The following VPS13A variants were observed in gnomAD, a reference collection of about 807,000 sequenced individuals.
VPS13A encodes the protein vacuolar protein sorting 13 homolog A.
A neutral mutation model predicts 390.9 loss-of-function variants in VPS13A; 264 were observed. The ratio of observed to expected loss-of-function variants is 0.68; its 90% CI spans 0.61 to 0.75. VPS13A has a LOEUF of 0.75. VPS13A is among the 30% of genes least tolerant of loss of function. The pLI, the probability that VPS13A is intolerant of heterozygous loss-of-function variation, is 0.00. For synonymous variants in VPS13A, 1,231 were observed against 1,227.1 expected (o/e 1.00, Z -0.07); for missense variants, 3,409 against 3,733.9 (o/e 0.91, Z 2.27).
chr9:77,386,835 G>A (rs1352107929), intron 68 of VPS13A, among the ~76,000 whole-genome samples: 1 of 151,692 alleles, frequency 6.6e-6, no homozygotes, highest in African/African-American at 2.4e-5. Flanking sequence ...AGCCTCCTGA[G>A]TAGCTGGGAC....
chr9:77,364,446 A>C (rs186107561), intron 59 of VPS13A, among the ~76,000 whole-genome samples: 153 of 152,140 alleles, frequency 1.0e-3, no homozygotes, highest in African/African-American at 1.8e-3. Context: ...AACAAACAAA[A>C]AAAAACCCAT....
At chr9:77,302,048 C>A (rs1828397117) in intron 33 of VPS13A, among the ~76,000 whole-genome samples, 1 of 151,770 alleles carries the variant, frequency 6.6e-6, no homozygotes, top group African/African-American at 2.4e-5. Flanking sequence ...ACCTCCGCCT[C>A]CTGGGTTCAA....
At chr9:77,210,827 G>C (rs570798043) in intron 7 of VPS13A, 152 bp downstream of exon 7, 1 of 745,886 alleles carries the variant, frequency 1.3e-6, no homozygotes, top group Admixed American at 2.5e-5. Flanking sequence ...AGGGTATGTA[G>C]ATTCACATTT....
At chr9:77,256,791 C>T (rs1004331769) in intron 22 of VPS13A, among the ~76,000 whole-genome samples, 2 of 151,616 alleles carry the variant, frequency 1.3e-5, no homozygotes, top group African/African-American at 4.8e-5. Context: ...TCTATTTTGG[C>T]TGTTTTTGTT....
chr9:77,412,533 G>A (rs975027742), intron 71 of VPS13A, among the ~76,000 whole-genome samples: 3 of 152,130 alleles, frequency 2.0e-5, no homozygotes, highest in Non-Finnish European at 2.9e-5. Flanking sequence ...GGCCTTTGAC[G>A]AAATTCAACA....
intron 52 of VPS13A, among the ~76,000 whole-genome samples, chr9:77,345,978 CAT>C (rs1014100623): frequency 2.6e-5 from 4 of 152,012 alleles, no homozygotes; most frequent in African/African-American, 9.7e-5. Flanking sequence ...TGTTTCTAAA[CAT>C]GTGTGCAAGT....
chr9:77,327,633 A>ATATTATTAT (rs563581300), intron 45 of VPS13A, among the ~76,000 whole-genome samples: 1 of 149,548 alleles, frequency 6.7e-6, no homozygotes, highest in Non-Finnish European at 1.5e-5. Flanking sequence ...AGGTTTTCTG[A>ATATTATTAT]TATTATTATT....
intron 22 of VPS13A, among the ~76,000 whole-genome samples, chr9:77,255,009 T>A (rs1411826408): frequency 6.6e-6 from 1 of 152,168 alleles, no homozygotes; most frequent in Non-Finnish European, 1.5e-5. Flanking sequence ...TTGGTCTGTC[T>A]AGAATTTTTT....
rs940036943 is a variant in VPS13A, at chr9:77,419,033, T to C, written c.*3027T>C. ...CTGTATTAAAAAGATTGGGACAAAATACTTGATTAGTTTGCCTGTAGAAGC... is the reference window on the plus strand; with the variant it reads ...CTGTATTAAAAAGATTGGGACAAAACACTTGATTAGTTTGCCTGTAGAAGC... On this transcript the variant is annotated 3_prime_UTR_variant, in exon 72 of 72. Coordinates refer to ENST00000360280, the MANE Select transcript of VPS13A (RefSeq NM_033305.3). The C allele has an allele frequency of 6.6e-6, 1 of 152,166 alleles. No individual in the cohort carries two copies. The highest frequency in any genetic ancestry group is 1.5e-5 in the Non-Finnish European group (1 of 68,018). The allele number at this position is 152,166 out of a possible 1,614,324, so 9.4% of individuals were successfully genotyped here. A position where few individuals can be genotyped will look rare whatever the true frequency, so the allele number is the denominator to read the frequency against.
intron 59 of VPS13A, among the ~76,000 whole-genome samples, chr9:77,363,207 C>T (rs1832237145): frequency 6.6e-6 from 1 of 151,920 alleles, no homozygotes; most frequent in African/African-American, 2.4e-5. Flanking sequence ...AATTTTCAGT[C>T]TTTGAGTATG....
chr9:77,296,366 C>T (rs1226698149), intron 33 of VPS13A, among the ~76,000 whole-genome samples: 1 of 152,166 alleles, frequency 6.6e-6, no homozygotes, highest in Non-Finnish European at 1.5e-5. Context: ...ACTGTGTCCT[C>T]TGTGTTTCTG....
chr9:77,367,087 G>T (rs1402751346), intron 61 of VPS13A, among the ~76,000 whole-genome samples: 1 of 152,088 alleles, frequency 6.6e-6, no homozygotes, highest in African/African-American at 2.4e-5. Flanking sequence ...ATTTCCTTAA[G>T]AAAAAGAGTC....
At chr9:77,245,533 A>G (rs1034706693) in intron 19 of VPS13A, among the ~76,000 whole-genome samples, 2 of 152,142 alleles carry the variant, frequency 1.3e-5, no homozygotes, top group African/African-American at 2.4e-5. Flanking sequence ...AGAATTTTTG[A>G]TGATCTGTCA....
intron 20 of VPS13A, among the ~76,000 whole-genome samples, chr9:77,248,904 G>T (rs1005535964): frequency 6.6e-6 from 1 of 152,148 alleles, no homozygotes; most frequent in African/African-American, 2.4e-5. Flanking sequence ...GACAGTTTTT[G>T]TATTTTTAGT....
At chr9:77,207,247 A>ATGTG (rs1564630472) in intron 5 of VPS13A, among the ~76,000 whole-genome samples, 1 of 115,792 alleles carries the variant, frequency 8.6e-6, no homozygotes, top group East Asian at 2.3e-4. Context: ...ATATATATAT[A>ATGTG]TATATAAAAC....
At position 77,354,260 on chromosome 9, in the gene VPS13A, G is replaced by A. The variant is rs182085615; in HGVS notation, c.7652+619G>A. ...AATTAAATTCTTGAATATATATAAA[G>A]GTATATGATACAGATGTAAATTTAG... On this transcript the variant is annotated intron_variant, in intron 54 of 71. Coordinates refer to ENST00000360280, the MANE Select transcript of VPS13A (RefSeq NM_033305.3). 4.3e-3 allele frequency among the ~76,000 whole-genome samples: 652 copies of A among 151,818 alleles called. 3 individuals are homozygous for A. Among genetic ancestry groups the A allele is most frequent in the African/African-American group, 0.015 (615 of 41,430 alleles).
At chr9:77,303,533 C>T (rs1419791617) in intron 34 of VPS13A, among the ~76,000 whole-genome samples, 1 of 152,054 alleles carries the variant, frequency 6.6e-6, no homozygotes, top group Non-Finnish European at 1.5e-5. Context: ...CAACAGTGGA[C>T]CCAGGGGACC....
intron 13 of VPS13A, among the ~76,000 whole-genome samples, chr9:77,223,686 T>A (rs1180176502): frequency 6.7e-6 from 1 of 150,220 alleles, no homozygotes; most frequent in Non-Finnish European, 1.5e-5. Flanking sequence ...AGAGATTGGT[T>A]CTTGAAGTTT....
chr9:77,351,199 A>G, intron 52 of VPS13A, 118 bp from the exon 53 acceptor site: 1 of 1,364,672 alleles, frequency 7.3e-7, no homozygotes, highest in Non-Finnish European at 1.0e-6. Context: ...GCCTTGTTTT[A>G]ATCAGAACGA....
Sources: allele counts gnomAD v4.1 joint callset (sites outside exome capture counted in the v4.1 genomes callset), GRCh38; gene constraint gnomAD v4.1.1; transcripts MANE v1.5; gene names NCBI Gene and HGNC (gene_info 2026-07-23, HGNC 2026-07-21).